WNK2: variants seen among roughly 807,000 people sequenced by gnomAD.
WNK2 encodes the protein serine/threonine-protein kinase WNK2.
Under a neutral mutation model 192.1 loss-of-function variants are expected in WNK2, and 67 were observed. The ratio of observed to expected loss-of-function variants is 0.35; its 90% CI spans 0.29 to 0.43. WNK2 has a LOEUF of 0.43. WNK2 is among the 20% of genes least tolerant of loss of function. WNK2 has a pLI of 1.00. For synonymous variants in WNK2, 1,439 were observed against 1,393.9 expected, an observed-to-expected ratio of 1.03 and a Z score of -0.72; for missense variants, 2,698 against 3,089.7, an observed-to-expected ratio of 0.87 and a Z score of 3.01.
At chr9:93,284,175 G>A (rs190885553) in intron 19 of WNK2, among the ~76,000 whole-genome samples, 101 of 152,240 alleles carry the variant, frequency 6.6e-4, no homozygotes, top group Non-Finnish European at 1.2e-3. Flanking sequence ...AACCCAACTC[G>A]TCCAGAGAAC....
At chr9:93,204,200 G>C (rs1428751002) in intron 2 of WNK2, among the ~76,000 whole-genome samples, 1 of 152,152 alleles carries the variant, frequency 6.6e-6, no homozygotes, top group Non-Finnish European at 1.5e-5. Context: ...TATGAAAACC[G>C]TTCAGAGATA....
In WNK2 at chr9:93,259,470, G is replaced by A. The variant is rs1186635840; in HGVS notation, c.2922G>A (p.Arg974=). Residue 974 remains arginine, a synonymous_variant, in exon 12 of 30, where the codon CGG becomes CGA. Transcript: ENST00000427277. This position sits in a 1 kb window ranked among gnomAD's most constrained non-coding sequence, Gnocchi z 4.8. ...CTGTGTTGCCCCCGCAACCCACACG[G>A]CCCCCTCAACCTGTGCTGCCCCCGC... ...PQPVLPPQPT[R]PPQPVLPPQP... 3 of 1,436,020 alleles carry A rather than the reference G, an allele frequency of 2.1e-6. No homozygotes were observed. Among genetic ancestry groups the A allele is most frequent in the Admixed American group, 2.2e-5 (1 of 46,418 alleles). 89.0% of individuals were successfully genotyped at this position (1,436,020 alleles called of 1,614,324 possible).
At chr9:93,212,038 C>G (rs1310231407) in intron 2 of WNK2, among the ~76,000 whole-genome samples, 1 of 152,224 alleles carries the variant, frequency 6.6e-6, no homozygotes, top group African/African-American at 2.4e-5. Context: ...CACTCATTTA[C>G]TCATTCACTC....
chr9:93,256,391 G>T lies in WNK2; in HGVS notation c.2127G>T (p.Val709=). The change falls in exon 10 of 30, where the codon GTG becomes GTT. Residue 709 remains valine, a synonymous_variant. Transcript: ENST00000427277. ...FPDPAMSFAP[V]LPPPSTPMPT... ...ATCCGGCCATGAGCTTCGCCCCCGT[G>T]CTGCCGCCGCCCAGCACCCCCATGC... 1 of 1,554,990 alleles carries T rather than the reference G, an allele frequency of 6.4e-7. No individual in the cohort carries two copies.
At chr9:93,217,954 A>G (rs1044483145) in intron 2 of WNK2, among the ~76,000 whole-genome samples, 1 of 140,162 alleles carries the variant, frequency 7.1e-6, no homozygotes, top group Non-Finnish European at 1.5e-5. Flanking sequence ...GGCCTTGTAC[A>G]GTAGCAGGCA....
chr9:93,202,885 G>T (rs2131304112), intron 2 of WNK2, among the ~76,000 whole-genome samples: 1 of 152,272 alleles, frequency 6.6e-6, no homozygotes, highest in South Asian at 2.1e-4. Context: ...CCTTTGTGGG[G>T]GTGGGGGTTC....
At chr9:93,314,277 C>T (rs895546355) in intron 28 of WNK2, among the ~76,000 whole-genome samples, 3 of 150,662 alleles carry the variant, frequency 2.0e-5, no homozygotes, top group Admixed American at 1.3e-4. Flanking sequence ...AGCAAAAGTC[C>T]GTCTCAAATA....
intron 19 of WNK2, among the ~76,000 whole-genome samples, chr9:93,277,137 A>G (rs1341271330): frequency 6.6e-6 from 1 of 152,190 alleles, no homozygotes; most frequent in Non-Finnish European, 1.5e-5. Context: ...GTTCAATATT[A>G]TTGACTACTG....
Position 93,229,603 on chromosome 9 carries a change from G to T in WNK2, c.682-93G>T. 1 of 1,416,406 alleles carries T rather than the reference G, an allele frequency of 7.1e-7. No homozygotes were observed. 87.7% of individuals were successfully genotyped at this position (1,416,406 alleles called of 1,614,324 possible). A position where few individuals can be genotyped will look rare whatever the true frequency, so the allele number is the denominator to read the frequency against. On this transcript the variant is annotated intron_variant, in intron 2 of 29. Transcript: ENST00000427277. This position sits in a 1 kb window ranked among gnomAD's most constrained non-coding sequence, Gnocchi z 4.9. The stretch of plus-strand genomic sequence containing the variant: ...GCTGCCTGTGGGTATGGGAAGGGCT[G>T]GTCCTACTGTGTGGCGCTGCTGGGA...
chr9:93,252,293 G>T (rs1016330835), intron 8 of WNK2, among the ~76,000 whole-genome samples: 5 of 152,290 alleles, frequency 3.3e-5, no homozygotes, highest in Non-Finnish European at 5.9e-5. Context: ...CGAGGCCTCT[G>T]GGGGAGCTCA....
chr9:93,301,479 T>A (rs1050563495), intron 26 of WNK2, among the ~76,000 whole-genome samples: 2 of 152,196 alleles, frequency 1.3e-5, no homozygotes, highest in Non-Finnish European at 2.9e-5. Context: ...TTTAACAGGC[T>A]GCCCTGTTTC....
At chr9:93,241,119 C>T (rs1415059615) in intron 7 of WNK2, among the ~76,000 whole-genome samples, 4 of 152,250 alleles carry the variant, frequency 2.6e-5, no homozygotes, top group African/African-American at 9.6e-5. Flanking sequence ...CCAGGGCCAA[C>T]ACTGCTGCCT....
At position 93,281,069 on chromosome 9, in the gene WNK2, C is replaced by T. The variant is rs540232221; in HGVS notation, c.4034-7719C>T. ...GCAGATCAGTAGTTGGGAACAAAGG[C>T]GTGGCAGGAAAGGAGAGGGAAGAAC... On this transcript the variant is annotated intron_variant, in intron 19 of 29. Coordinates refer to ENST00000427277, the MANE Select transcript of WNK2 (RefSeq NM_006648.4). Among the ~76,000 whole-genome samples, 3 of 152,138 alleles carry T rather than the reference C, an allele frequency of 2.0e-5. No individual in the cohort carries two copies. The South Asian group carries it at 6.2e-4, about 32-fold the overall frequency.
At chr9:93,216,556 G>A (rs1157707466) in intron 2 of WNK2, among the ~76,000 whole-genome samples, 1 of 152,034 alleles carries the variant, frequency 6.6e-6, no homozygotes, top group East Asian at 1.9e-4. Context: ...AGCCTGGGAG[G>A]TCGAGGCTGC....
At position 93,247,136 on chromosome 9, in the gene WNK2, C is replaced by T. The variant is rs1841862113; in HGVS notation, c.1543-407C>T. ...GGCCCCGTTCCCCATCTTTGGGCAG[C>T]CCCAGACTCAGAGACGTTTCAGGAA... On this transcript the variant is annotated intron_variant, in intron 7 of 29. Transcript: ENST00000427277. The surrounding 1 kb of genome is among the most constrained non-coding windows in gnomAD (Gnocchi z 5.2). Among the ~76,000 whole-genome samples the T allele has an allele frequency of 6.6e-6, 1 of 152,208 alleles. No individual in the cohort carries two copies. Among genetic ancestry groups the T allele is most frequent in the South Asian group, 2.1e-4 (1 of 4,826 alleles).
intron 19 of WNK2, among the ~76,000 whole-genome samples, chr9:93,286,468 T>C (rs971819045): frequency 2.0e-5 from 3 of 152,196 alleles, no homozygotes; most frequent in African/African-American, 4.8e-5. Flanking sequence ...CACTGAGCTA[T>C]CACCTCACAC....
Position 93,185,185 on chromosome 9 carries a change from GC to G in WNK2, c.257del (p.Ala86GlyfsTer17). 8.4e-7 allele frequency: 1 copy of G among 1,188,254 alleles called. No individual in the cohort carries two copies. Among genetic ancestry groups the G allele is most frequent in the East Asian group, 4.1e-5 (1 of 24,592 alleles). The allele number at this position is 1,188,254 out of a possible 1,614,324, so 73.6% of individuals were successfully genotyped here. A position where few individuals can be genotyped will look rare whatever the true frequency, so the allele number is the denominator to read the frequency against. On this transcript the variant is annotated frameshift_variant, in exon 2 of 30. Coordinates refer to ENST00000427277, the MANE Select transcript of WNK2 (RefSeq NM_006648.4). LOFTEE classifies it high-confidence loss of function. Reference protein sequence around the residue: ...LLLCKTRRLIAERARGRPAAP... With the variant: ...LLLCKTRRLIXERARGRPAAP... ...GCTCTGCAAGACGCGCCGCCTCATC[GC>G]GGAGCGCGCCCGCGGACGCCCCGCC...
chr9:93,318,013 C>A, intron 29 of WNK2: 1 of 1,612,774 alleles, frequency 6.2e-7, no homozygotes, highest in Non-Finnish European at 8.5e-7. Context: ...GGCTTCAGAC[C>A]CTGTTCGCTC....
chr9:93,269,061 G>C (rs915707572), intron 19 of WNK2: 49 of 967,084 alleles, frequency 5.1e-5, no homozygotes, highest in Non-Finnish European at 6.0e-5. Context: ...GCAACTCCTT[G>C]CTCCTGTCCC....
Sources: allele counts gnomAD v4.1 joint callset (sites outside exome capture counted in the v4.1 genomes callset), GRCh38; gene constraint gnomAD v4.1.1; non-coding constraint Gnocchi (gnomAD v3.1); transcripts MANE v1.5; gene names NCBI Gene and HGNC (gene_info 2026-07-23, HGNC 2026-07-21).